The following KCTD8 variants were observed in gnomAD, a reference collection of about 807,000 sequenced individuals.
KCTD8 encodes the protein potassium channel tetramerization domain containing 8.
In KCTD8, 27 loss-of-function variants were observed where a neutral mutation model predicts 31.5. That is an observed-to-expected ratio of 0.86 (90% CI 0.63 to 1.18). The LOEUF is 1.18. KCTD8 is among the 50% of genes most tolerant of loss of function. The pLI is 0.00. For missense variants in KCTD8, 658 were observed against 647.7 expected (o/e 1.02, Z -0.17); for synonymous variants, 290 against 280.0 (o/e 1.04, Z -0.36).
chr4:44,273,089 A>C (rs1716658470), intron 1 of KCTD8, among the ~76,000 whole-genome samples: 1 of 152,074 alleles, frequency 6.6e-6, no homozygotes, highest in South Asian at 2.1e-4. Context: ...TCACAAATCT[A>C]CTTAAATAAT....
chr4:44,422,685 G>A (rs545424150), intron 1 of KCTD8, among the ~76,000 whole-genome samples: 10 of 152,168 alleles, frequency 6.6e-5, no homozygotes, highest in African/African-American at 2.4e-4. Flanking sequence ...AGGAGTTTGG[G>A]GATAGGGCTA....
intron 1 of KCTD8, among the ~76,000 whole-genome samples, chr4:44,274,336 T>C (rs1217577054): frequency 1.3e-5 from 2 of 151,918 alleles, no homozygotes; most frequent in African/African-American, 2.4e-5. Context: ...CAACTTAATT[T>C]GATATTATAA....
chr4:44,264,697 T>A (rs71610098), intron 1 of KCTD8, among the ~76,000 whole-genome samples: 3,307 of 152,252 alleles, frequency 0.022, 51 homozygotes, highest in Middle Eastern at 0.051. Flanking sequence ...ACTGCTCTTT[T>A]CCGATGGGCT....
chr4:44,324,174 A>G (rs1472159062), intron 1 of KCTD8, among the ~76,000 whole-genome samples: 1 of 151,990 alleles, frequency 6.6e-6, no homozygotes, highest in Non-Finnish European at 1.5e-5. Flanking sequence ...ATGGCAGGAT[A>G]GGCCAGCCTG....
intron 1 of KCTD8, among the ~76,000 whole-genome samples, chr4:44,197,516 C>A (rs1350093360): frequency 6.6e-6 from 1 of 152,148 alleles, no homozygotes; most frequent in Non-Finnish European, 1.5e-5. Flanking sequence ...CATGCTTAAG[C>A]AATATCTATT....
intron 1 of KCTD8, among the ~76,000 whole-genome samples, chr4:44,297,596 C>G (rs1043845664): frequency 1.3e-5 from 2 of 152,172 alleles, no homozygotes; most frequent in Non-Finnish European, 2.9e-5. Flanking sequence ...ATTTACGCTA[C>G]CACAGAGGCA....
chr4:44,211,670 T>C (rs1004908573), intron 1 of KCTD8, among the ~76,000 whole-genome samples: 2 of 152,142 alleles, frequency 1.3e-5, no homozygotes, highest in Admixed American at 1.3e-4. Context: ...AAGAATTCTG[T>C]AGAGTATATC....
intron 1 of KCTD8, among the ~76,000 whole-genome samples, chr4:44,226,420 T>A (rs947369405): frequency 1.4e-4 from 22 of 152,186 alleles, no homozygotes; most frequent in Admixed American, 6.5e-5. Context: ...ATGTACCAGA[T>A]TTTCTTTATC....
intron 1 of KCTD8, among the ~76,000 whole-genome samples, chr4:44,368,445 T>C (rs1197254563): frequency 6.6e-6 from 1 of 152,140 alleles, no homozygotes; most frequent in Non-Finnish European, 1.5e-5. Context: ...ATGAGCCATA[T>C]TCTGGAATTC....
intron 1 of KCTD8, among the ~76,000 whole-genome samples, chr4:44,414,323 T>C (rs542593768): frequency 6.6e-6 from 1 of 152,120 alleles, no homozygotes; most frequent in African/African-American, 2.4e-5. Context: ...GATTGGGTTT[T>C]TAGGAAACCT....
intron 1 of KCTD8, among the ~76,000 whole-genome samples, chr4:44,430,753 T>A (rs1721483458): frequency 6.6e-6 from 1 of 151,586 alleles, no homozygotes; most frequent in African/African-American, 2.4e-5. Flanking sequence ...ACTCACTATT[T>A]CCCTCCTGCT....
chr4:44,312,382 A>T (rs544086281), intron 1 of KCTD8, among the ~76,000 whole-genome samples: 9 of 152,292 alleles, frequency 5.9e-5, no homozygotes, highest in African/African-American at 2.2e-4. Flanking sequence ...GGGATCAATA[A>T]TCTGTTATCT....
chr4:44,393,629 C>A (rs1720424536), intron 1 of KCTD8, among the ~76,000 whole-genome samples: 1 of 151,160 alleles, frequency 6.6e-6, no homozygotes. Flanking sequence ...TTTAAGAAAA[C>A]TTTTATGTAT....
intron 1 of KCTD8, among the ~76,000 whole-genome samples, chr4:44,282,572 T>C (rs116692272): frequency 0.013 from 1,977 of 152,124 alleles, 48 homozygotes; most frequent in African/African-American, 0.045. Context: ...TAAGAAAACA[T>C]GTTGAAAGGT....
At chr4:44,199,326 C>T (rs1227998509) in intron 1 of KCTD8, among the ~76,000 whole-genome samples, 2 of 152,012 alleles carry the variant, frequency 1.3e-5, no homozygotes, top group East Asian at 3.9e-4. Context: ...GAATACTCTA[C>T]CCCCAACCCA....
chr4:44,209,162 C>T (rs769190495), intron 1 of KCTD8, among the ~76,000 whole-genome samples: 18 of 152,016 alleles, frequency 1.2e-4, no homozygotes, highest in Non-Finnish European at 2.4e-4. Context: ...ATGGGGTTTT[C>T]TGAAGGGATT....
In KCTD8 at chr4:44,274,825, C is replaced by T. The variant is rs142858691; in HGVS notation, c.962-99575G>A. ...CAGATTAGATTGGCCAGGCAAATTG[C>T]TATAAAGCAAAAAAAAAAATCCACT... On this transcript the variant is annotated intron_variant, in intron 1 of 1. Coordinates refer to ENST00000360029, the MANE Select transcript of KCTD8 (RefSeq NM_198353.3). Among the ~76,000 whole-genome samples the T allele has an allele frequency of 6.3e-3, 960 of 151,394 alleles. 10 individuals are homozygous for T. Among genetic ancestry groups the T allele is most frequent in the Admixed American group, 8.6e-3 (130 of 15,154 alleles).
chr4:44,401,243 G>T (rs562351605), intron 1 of KCTD8, among the ~76,000 whole-genome samples: 1 of 151,996 alleles, frequency 6.6e-6, no homozygotes, highest in African/African-American at 2.4e-5. Context: ...TTTCAAGCAA[G>T]ACTTCAGAAT....
intron 1 of KCTD8, among the ~76,000 whole-genome samples, chr4:44,267,535 G>T (rs1389131623): frequency 6.6e-6 from 1 of 151,882 alleles, no homozygotes; most frequent in Non-Finnish European, 1.5e-5. Flanking sequence ...GGCAAGAAAT[G>T]ACTAAAATGA....
Sources: gnomAD v4.1 joint callset for allele counts (sites outside exome capture counted in the v4.1 genomes callset) on GRCh38, gnomAD v4.1.1 for gene constraint, MANE v1.5 for transcripts, NCBI Gene and HGNC (gene_info 2026-07-23, HGNC 2026-07-21) for gene names.